VSTM4: variants seen among roughly 807,000 people sequenced by gnomAD.
VSTM4 encodes the protein V-set and transmembrane domain-containing protein 4.
In VSTM4, 20 loss-of-function variants were observed where a neutral mutation model predicts 36.4. That is an observed-to-expected ratio of 0.55 (90% CI 0.39 to 0.80). VSTM4 has a LOEUF of 0.80. Ranked by LOEUF, VSTM4 falls within the 30% of genes least tolerant of loss-of-function variation. The pLI, the probability that VSTM4 is intolerant of heterozygous loss-of-function variation, is 0.00. For synonymous variants in VSTM4, 182 were observed against 173.9 expected (o/e 1.05, Z -0.37); for missense variants, 392 against 404.5 (o/e 0.97, Z 0.26).
chr10:49,065,343 G>A (rs191448283), intron 4 of VSTM4, among the ~76,000 whole-genome samples: 31 of 152,268 alleles, frequency 2.0e-4, no homozygotes, highest in African/African-American at 7.5e-4. Context: ...ACAACCAGGG[G>A]GACCCTTGAA....
chr10:49,050,820 T>C (rs1843685921), intron 5 of VSTM4, among the ~76,000 whole-genome samples: 1 of 152,256 alleles, frequency 6.6e-6, no homozygotes. Flanking sequence ...AAAATAACAC[T>C]GTCATAACCA....
rs146978320 is a variant in VSTM4 at position 49,050,790 on chromosome 10, T to C, written c.669-2206A>G. The stretch of plus-strand genomic sequence containing the variant: ...CATGCTCGTGTTTAAAAAGGGTAAT[T>C]ACAGGCATGGAAACCAAAGAAAATA... On this transcript the variant is annotated intron_variant, in intron 5 of 7. Transcript: ENST00000332853. Among the ~76,000 whole-genome samples the C allele has an allele frequency of 7.3e-3, 1,107 of 152,358 alleles. 11 individuals are homozygous for C. Among genetic ancestry groups the C allele is most frequent in the Non-Finnish European group, 0.01 (711 of 68,036 alleles).
At chr10:49,064,778 C>T in intron 4 of VSTM4, 42 bp from the exon 5 acceptor site, 2 of 1,592,698 alleles carry the variant, frequency 1.3e-6, no homozygotes, top group South Asian at 1.1e-5. Flanking sequence ...ACCAATGCTA[C>T]TTCAGATATA....
chr10:49,039,833 C>T (rs1321156792), intron 7 of VSTM4, among the ~76,000 whole-genome samples: 5 of 152,156 alleles, frequency 3.3e-5, no homozygotes, highest in Non-Finnish European at 5.9e-5. Context: ...GTTTTCCTTC[C>T]GCATCATAGA....
At chr10:49,073,132 A>T (rs1844111902) in intron 4 of VSTM4, among the ~76,000 whole-genome samples, 1 of 152,184 alleles carries the variant, frequency 6.6e-6, no homozygotes, top group African/African-American at 2.4e-5. Flanking sequence ...TTCATAGAGA[A>T]AAAAAGTTAG....
intron 2 of VSTM4, 30 bp downstream of exon 2, chr10:49,107,562 CCA>C (rs754656654): frequency 3.6e-5 from 56 of 1,567,350 alleles, no homozygotes; most frequent in Non-Finnish European, 4.6e-5. Flanking sequence ...TGCCCCACCA[CCA>C]CCTCTACCCA....
chr10:49,058,739 C>T (rs1010919055), intron 5 of VSTM4, among the ~76,000 whole-genome samples: 2 of 152,208 alleles, frequency 1.3e-5, no homozygotes, highest in African/African-American at 2.4e-5. Flanking sequence ...TGGCAAGGCC[C>T]CTCATTCAGT....
intron 7 of VSTM4, among the ~76,000 whole-genome samples, chr10:49,030,365 G>C (rs1434408406): frequency 1.3e-5 from 2 of 151,876 alleles, no homozygotes; most frequent in African/African-American, 4.9e-5. Context: ...CTTGACCCAG[G>C]GTCCAGAGAC....
chr10:49,075,505 C>T (rs1019239820), intron 4 of VSTM4, among the ~76,000 whole-genome samples: 1 of 152,248 alleles, frequency 6.6e-6, no homozygotes, highest in South Asian at 2.1e-4. Flanking sequence ...TGAAGGAAGG[C>T]CCATGCCAAG....
chr10:49,091,634 C>T (rs182532247), intron 2 of VSTM4, among the ~76,000 whole-genome samples: 191 of 152,266 alleles, frequency 1.3e-3, no homozygotes, highest in African/African-American at 4.4e-3. Flanking sequence ...GGTGAGTTCA[C>T]ACCAAGACCC....
intron 2 of VSTM4, among the ~76,000 whole-genome samples, chr10:49,106,649 C>G (rs1844787977): frequency 6.6e-6 from 1 of 152,212 alleles, no homozygotes; most frequent in Non-Finnish European, 1.5e-5. Context: ...GGCCTGACGA[C>G]TCACAGCAAA....
intron 2 of VSTM4, among the ~76,000 whole-genome samples, chr10:49,091,420 T>C (rs1327675937): frequency 6.6e-6 from 1 of 152,162 alleles, no homozygotes; most frequent in Non-Finnish European, 1.5e-5. Flanking sequence ...TCAGGAAGAA[T>C]GCAGCCCAGA....
In VSTM4 at chr10:49,048,015, C is replaced by T. The variant is rs537743030; in HGVS notation, c.775+463G>A. 5.9e-5 allele frequency among the ~76,000 whole-genome samples: 9 copies of T among 152,328 alleles called. No individual in the cohort carries two copies. In the South Asian group the frequency reaches 1.9e-3, roughly 32 times the overall value. ...TTGCTCTAAATCATAACTGGAATCA[C>T]AGGATAGCCGTCATTTTATACCCAG... On this transcript the variant is annotated intron_variant, in intron 6 of 7. Coordinates refer to ENST00000332853, the MANE Select transcript of VSTM4 (RefSeq NM_001031746.5).
chr10:49,018,915 G>A lies in VSTM4; in HGVS notation c.*735C>T, dbSNP rs992919163. 8.5e-5 allele frequency: 13 copies of A among 152,264 alleles called. 1 individual carries two copies. The highest frequency in any genetic ancestry group is 5.2e-4 in the Admixed American group (8 of 15,290). The allele number at this position is 152,264 out of a possible 1,614,324, so 9.4% of individuals were successfully genotyped here. On this transcript the variant is annotated 3_prime_UTR_variant, in exon 8 of 8. Transcript: ENST00000332853. ...CCTGTGCTCCTTTGGAAAAGGGTGA[G>A]TAAGCACTTCTTAGAGAGTGTGTTT...
chr10:49,074,035 T>C (rs1430042045), intron 4 of VSTM4, among the ~76,000 whole-genome samples: 1 of 152,254 alleles, frequency 6.6e-6, no homozygotes, highest in African/African-American at 2.4e-5. Context: ...TTACAGCCCA[T>C]CTGTGTCTGT....
In VSTM4 at chr10:49,107,907, G is replaced by T; in HGVS notation, c.144C>A (p.Val48=). Residue 48 remains valine, a synonymous_variant, in exon 2 of 8, where the codon GTC becomes GTA. Coordinates refer to ENST00000332853, the MANE Select transcript of VSTM4 (RefSeq NM_001031746.5). ...AGCTGTCCTTCCGCCTTTTCTGGGAGACGTGGCAGAGGAGAGTGGCATTCT... is the reference window on the plus strand; with the variant it reads ...AGCTGTCCTTCCGCCTTTTCTGGGATACGTGGCAGAGGAGAGTGGCATTCT... ...EGENATLLCH[V]SQKRRKDSLL... is the part of the protein sequence containing the mutation. The T allele has an allele frequency of 6.2e-7, 1 of 1,614,074 alleles. No homozygotes were observed.
chr10:49,110,924 G>A (rs1844882106), intron 1 of VSTM4, among the ~76,000 whole-genome samples: 1 of 152,206 alleles, frequency 6.6e-6, no homozygotes, highest in Non-Finnish European at 1.5e-5. Flanking sequence ...CTTCATTCCA[G>A]CCCTCTACCT....
intron 7 of VSTM4, among the ~76,000 whole-genome samples, chr10:49,040,970 A>C (rs778911830): frequency 2.6e-5 from 4 of 152,228 alleles, no homozygotes; most frequent in Non-Finnish European, 5.9e-5. Flanking sequence ...TTACAAAATT[A>C]GACACCTAAA....
intron 5 of VSTM4, among the ~76,000 whole-genome samples, chr10:49,057,860 C>T (rs1268336765): frequency 5.3e-5 from 8 of 152,198 alleles, no homozygotes; most frequent in Non-Finnish European, 1.2e-4. Context: ...GGCTGGGGCA[C>T]AGCATAAGTC....
Sources: gnomAD v4.1 joint callset for allele counts (sites outside exome capture counted in the v4.1 genomes callset) on GRCh38, gnomAD v4.1.1 for gene constraint, MANE v1.5 for transcripts, NCBI Gene and HGNC (gene_info 2026-07-23, HGNC 2026-07-21) for gene names.